The following C2orf74 variants were observed in gnomAD, a reference collection of about 807,000 sequenced individuals.
The protein encoded by C2orf74 is uncharacterized protein C2orf74.
A neutral mutation model predicts 17.9 loss-of-function variants in C2orf74; 14 were observed. That is an observed-to-expected ratio of 0.78 (90% CI 0.52 to 1.22). The LOEUF is 1.22. Among genes scored for constraint, C2orf74 ranks in the 50% most tolerant of loss-of-function variants. C2orf74 has a pLI of 0.00. For missense variants in C2orf74, 217 were observed against 218.4 expected (o/e 0.99, Z 0.04); for synonymous variants, 79 against 72.6 (o/e 1.09, Z -0.44).
intron 1 of C2orf74, among the ~76,000 whole-genome samples, chr2:61,150,839 C>T (rs1685203774): frequency 6.6e-6 from 1 of 152,164 alleles, no homozygotes; most frequent in South Asian, 2.1e-4. Context: ...TTTCAGGGCT[C>T]TACTTGGCCT....
At chr2:61,149,305 A>G (rs1038058181) in intron 1 of C2orf74, among the ~76,000 whole-genome samples, 1 of 152,130 alleles carries the variant, frequency 6.6e-6, no homozygotes, top group Non-Finnish European at 1.5e-5. Flanking sequence ...TTTCAGGGCC[A>G]TAGATGTGTC....
upstream of C2orf74, chr2:61,157,826 T>C (rs1278918410): frequency 1.3e-5 from 6 of 468,054 alleles, no homozygotes; most frequent in Admixed American, 2.4e-5. Flanking sequence ...GCGTGCTCAC[T>C]CATCCTGTAA....
chr2:61,158,072 T>C (rs1488792627), upstream of C2orf74: 1 of 459,426 alleles, frequency 2.2e-6, no homozygotes, highest in East Asian at 7.0e-5. Context: ...GACCCCAACA[T>C]GGCAGATGCC....
chr2:61,150,116 C>T (rs1685183698), intron 1 of C2orf74, among the ~76,000 whole-genome samples: 1 of 152,106 alleles, frequency 6.6e-6, no homozygotes, highest in Non-Finnish European at 1.5e-5. Context: ...TCTGTAGGGC[C>T]AGGTGCTGAG....
In C2orf74 at chr2:61,162,891, G is replaced by A; in HGVS notation, c.145G>A (p.Ala49Thr). 1.9e-6 allele frequency: 3 copies of A among 1,552,516 alleles called. No individual in the cohort carries two copies. The highest frequency in any genetic ancestry group is 2.6e-6 in the Non-Finnish European group (3 of 1,147,146). Residue 49 changes from alanine (A) to threonine (T), a missense_variant, in exon 3 of 5, where the codon GCA becomes ACA. Transcript: ENST00000432605. Reference protein sequence around the residue: ...KETKKVPCTDANGGVDCAAAK... With the variant: ...KETKKVPCTDTNGGVDCAAAK... ...GACAAAGAAAGTGCCTTGTACAGAT[G>A]CAAACGGAGGTGTAGACTGTGCAGC...
At chr2:61,149,438 A>G (rs2105013883) in intron 1 of C2orf74, among the ~76,000 whole-genome samples, 1 of 152,274 alleles carries the variant, frequency 6.6e-6, no homozygotes, top group African/African-American at 2.4e-5. Flanking sequence ...AGCTAAAGTC[A>G]GAAAAACTTT....
chr2:61,151,636 T>G (rs1437658721), intron 1 of C2orf74: 2 of 152,078 alleles, frequency 1.3e-5, no homozygotes, highest in Non-Finnish European at 2.9e-5. Flanking sequence ...AGGGCTCAGT[T>G]CTTCAGCATG....
chr2:61,153,517 C>T (rs749439477), intron 1 of C2orf74, among the ~76,000 whole-genome samples: 48 of 151,450 alleles, frequency 3.2e-4, no homozygotes, highest in Non-Finnish European at 5.5e-4. Flanking sequence ...CTCCTGACCT[C>T]GTGATTCACC....
chr2:61,147,615 T>C (rs1260794253), intron 1 of C2orf74, among the ~76,000 whole-genome samples: 2 of 152,246 alleles, frequency 1.3e-5, no homozygotes, highest in African/African-American at 2.4e-5. Context: ...CTTATATTTA[T>C]TGCCCATTCG....
upstream of C2orf74, chr2:61,162,004 T>C (rs921370899): frequency 6.4e-6 from 1 of 155,116 alleles, no homozygotes; most frequent in African/African-American, 2.4e-5. Context: ...CAGTTTCAAA[T>C]GGCCTCTAAC....
chr2:61,161,625 T>C (rs1162322705), upstream of C2orf74: 1 of 152,278 alleles, frequency 6.6e-6, no homozygotes, highest in African/African-American at 2.4e-5. Flanking sequence ...TTGCTGAATT[T>C]GGTATCCTAG....
intron 1 of C2orf74, among the ~76,000 whole-genome samples, chr2:61,146,072 G>T (rs1685060928): frequency 6.6e-6 from 1 of 152,172 alleles, no homozygotes; most frequent in Non-Finnish European, 1.5e-5. Flanking sequence ...TTGCATACAT[G>T]TAAAGTAATA....
At chr2:61,158,554 G>C (rs1685466243), upstream of C2orf74, among the ~76,000 whole-genome samples, 3 of 152,232 alleles carry the variant, frequency 2.0e-5, no homozygotes, top group Admixed American at 6.5e-5. Flanking sequence ...CAATCACTGA[G>C]ACAACGAGTA....
chr2:61,164,471 G>A lies in C2orf74; in HGVS notation c.508G>A (p.Gly170Arg). The change falls in exon 5 of 5, where the codon GGG becomes AGG. Residue 170 changes from glycine (G) to arginine (R), a missense_variant. By Grantham distance (125) the Gly-to-Arg change is moderately radical (BLOSUM62 -2). Coordinates refer to ENST00000432605, the MANE Select transcript of C2orf74 (RefSeq NM_001143959.4). ...TAGGGAGGTAATTGTTGTGGATCTT[G>A]GGAATGAATACCCTACACCTCGAAG... Reference protein sequence around the residue: ...FSREVIVVDLGNEYPTPRSYT... With the variant: ...FSREVIVVDLRNEYPTPRSYT... 6.4e-7 allele frequency: 1 copy of A among 1,550,968 alleles called. No individual in the cohort carries two copies. The highest frequency in any genetic ancestry group is 8.7e-7 in the Non-Finnish European group (1 of 1,146,748).
intron 1 of C2orf74, among the ~76,000 whole-genome samples, chr2:61,149,164 C>T (rs1685151162): frequency 6.6e-6 from 1 of 152,142 alleles, no homozygotes; most frequent in South Asian, 2.1e-4. Flanking sequence ...AAAATATCTC[C>T]CCTCTGACTT....
rs1685620722 is a variant in C2orf74 at position 61,163,201 on chromosome 2, C to T, written c.359C>T (p.Pro120Leu). 6.4e-7 allele frequency: 1 copy of T among 1,552,158 alleles called. No homozygotes were observed. Among genetic ancestry groups the T allele is most frequent in the Non-Finnish European group, 8.7e-7 (1 of 1,147,076 alleles). ...EENQINEKQE[P>L]ENAGETGQEE... ...AACCAAATAAATGAGAAGCAAGAGCCTGAGAATGCTGGAGAAACTGGTCAA... is the reference window on the plus strand; with the variant it reads ...AACCAAATAAATGAGAAGCAAGAGCTTGAGAATGCTGGAGAAACTGGTCAA... The change falls in exon 4 of 5, where the codon CCT becomes CTT. Residue 120 changes from proline (P) to leucine (L), a missense_variant. Physicochemically the swap from Pro to Leu is moderately conservative, Grantham distance 98. Coordinates refer to ENST00000432605, the MANE Select transcript of C2orf74 (RefSeq NM_001143959.4).
chr2:61,162,032 G>C (rs1051129294), upstream of C2orf74: 4 of 159,744 alleles, frequency 2.5e-5, no homozygotes, highest in Admixed American at 2.4e-4. Flanking sequence ...TCTCAGAAGA[G>C]GGGGACGAAC....
intron 1 of C2orf74, among the ~76,000 whole-genome samples, chr2:61,153,571 C>T (rs943617853): frequency 4.7e-5 from 7 of 149,870 alleles, no homozygotes; most frequent in African/African-American, 4.9e-5. Context: ...TGTGAGCCAC[C>T]GCGCCTGGCC....
At chr2:61,152,893 C>T (rs1253348114) in intron 1 of C2orf74, among the ~76,000 whole-genome samples, 5 of 150,212 alleles carry the variant, frequency 3.3e-5, no homozygotes, top group African/African-American at 7.3e-5. Flanking sequence ...CGGTGGCTCG[C>T]GCCTGTAATC....
Sources: allele counts gnomAD v4.1 joint callset (sites outside exome capture counted in the v4.1 genomes callset), GRCh38; gene constraint gnomAD v4.1.1; transcripts MANE v1.5; gene names NCBI Gene and HGNC (gene_info 2026-07-23, HGNC 2026-07-21).